Variants in RPF1 observed in about 807,000 individuals in gnomAD.
The protein encoded by RPF1 is ribosome production factor 1.
RPF1 carries 34 observed loss-of-function variants against 41.9 expected under a neutral mutation model. The ratio of observed to expected loss-of-function variants is 0.81; its 90% CI spans 0.62 to 1.08. The LOEUF (loss-of-function observed/expected upper bound fraction) is 1.08, where lower values mean the gene tolerates loss of function less well. Among genes scored for constraint, RPF1 ranks in the 50% least tolerant of loss-of-function variants. RPF1 has a pLI of 0.00. For missense variants in RPF1, 425 were observed against 435.2 expected, an observed-to-expected ratio of 0.98 and a Z score of 0.21; for synonymous variants, 140 against 148.9, an observed-to-expected ratio of 0.94 and a Z score of 0.43.
Position 84,487,858 on chromosome 1 carries a change from T to C in RPF1, c.367-1775T>C, listed in dbSNP as rs145842955. 9.9e-4 allele frequency among the ~76,000 whole-genome samples: 151 copies of C among 152,238 alleles called. No individual in the cohort carries two copies. The Middle Eastern group carries it at 0.01, about 10-fold the overall frequency. On this transcript the variant is annotated intron_variant, in intron 3 of 8. Transcript: ENST00000370654. Reference sequence around the variant, plus strand: ...GTTTTAATGTACTCTTACAATTCTGTGTTCTACTTCTTAACAGTTCATTTA... The same window carrying C: ...GTTTTAATGTACTCTTACAATTCTGCGTTCTACTTCTTAACAGTTCATTTA...
In RPF1 at chr1:84,490,478, CT is replaced by C. The variant is rs11440073; in HGVS notation, c.616+17del. On this transcript the variant is annotated splice_region_variant and intron_variant, in intron 5 of 8. Coordinates refer to ENST00000370654, the MANE Select transcript of RPF1 (RefSeq NM_025065.7). ...TGAAGATCGTAAAACCCCAAGTATC[CT>C]TTTTTTTTTTAAGGAGGTTTTCCTG... 24,543 of 1,199,182 alleles carry C rather than the reference CT, an allele frequency of 0.02. 1 individual carries two copies. Among genetic ancestry groups the C allele is most frequent in the South Asian group, 0.031 (1,987 of 63,980 alleles). The allele number at this position is 1,199,182 out of a possible 1,614,324, so 74.3% of individuals were successfully genotyped here.
chr1:84,483,830 C>T (rs1356113051), intron 3 of RPF1, among the ~76,000 whole-genome samples: 2 of 152,158 alleles, frequency 1.3e-5, no homozygotes, highest in South Asian at 2.1e-4. Context: ...CTGCTATCAA[C>T]ATTCTTTCTC....
intron 2 of RPF1, among the ~76,000 whole-genome samples, chr1:84,481,973 T>C (rs1339015673): frequency 6.6e-6 from 1 of 152,224 alleles, no homozygotes; most frequent in African/African-American, 2.4e-5. Context: ...TGCAGTATCC[T>C]AGTATGTCAA....
At chr1:84,486,764 C>G (rs1681746896) in intron 3 of RPF1, among the ~76,000 whole-genome samples, 1 of 151,940 alleles carries the variant, frequency 6.6e-6, no homozygotes, top group Non-Finnish European at 1.5e-5. Flanking sequence ...AGGGTAGTTA[C>G]AATGAAAGTG....
At chr1:84,490,510 TC>T in intron 5 of RPF1, 38 bp downstream of exon 5, 1 of 1,373,066 alleles carries the variant, frequency 7.3e-7, no homozygotes, top group Non-Finnish European at 9.9e-7. Context: ...TCCTGTCCTC[TC>T]CCTCACCCCC....
At chr1:84,486,359 G>A (rs553745689) in intron 3 of RPF1, among the ~76,000 whole-genome samples, 27 of 152,070 alleles carry the variant, frequency 1.8e-4, no homozygotes, top group Middle Eastern at 3.4e-3. Context: ...AGGCCGAGAC[G>A]GGTGGATCAC....
At chr1:84,495,559 T>G (rs1558546622) in intron 6 of RPF1, 104 bp downstream of exon 6, 1 of 629,696 alleles carries the variant, frequency 1.6e-6, no homozygotes. Context: ...ATAATGGCAT[T>G]TGTTCTCCTG....
intron 5 of RPF1, 139 bp downstream of exon 5, chr1:84,490,611 A>G (rs1398581436): frequency 1.5e-5 from 9 of 616,618 alleles, no homozygotes; most frequent in Non-Finnish European, 2.4e-5. Flanking sequence ...TCTTTCCAAG[A>G]GTCTATAAAC....
intron 8 of RPF1, 134 bp from the exon 9 acceptor site, chr1:84,497,295 C>T (rs572081054): frequency 1.2e-4 from 75 of 644,470 alleles, no homozygotes; most frequent in African/African-American, 9.4e-4. Context: ...TTCGGGGTCT[C>T]GCACAAACCC....
At position 84,495,357 on chromosome 1, in the gene RPF1, T is replaced by G. The variant is rs1416356728; in HGVS notation, c.617-16T>G. 1 of 1,245,192 alleles carries G rather than the reference T, an allele frequency of 8.0e-7. No homozygotes were observed. The highest frequency in any genetic ancestry group is 1.2e-6 in the Non-Finnish European group (1 of 862,882). 77.1% of individuals were successfully genotyped at this position (1,245,192 alleles called of 1,614,324 possible). A position where few individuals can be genotyped will look rare whatever the true frequency, so the allele number is the denominator to read the frequency against. ...ATTACAGAGTTCAATGTGTTTTTCTTAACTTTTATGAACAGATGGACTTAT... is the reference window on the plus strand; with the variant it reads ...ATTACAGAGTTCAATGTGTTTTTCTGAACTTTTATGAACAGATGGACTTAT... On this transcript the variant is annotated splice_polypyrimidine_tract_variant and intron_variant, in intron 5 of 8. Coordinates refer to ENST00000370654, the MANE Select transcript of RPF1 (RefSeq NM_025065.7).
At chr1:84,484,554 C>T (rs968750679) in intron 3 of RPF1, among the ~76,000 whole-genome samples, 3 of 152,080 alleles carry the variant, frequency 2.0e-5, no homozygotes, top group African/African-American at 7.2e-5. Flanking sequence ...ATAGTATAGA[C>T]CAGATATTCT....
In RPF1 at chr1:84,479,414, G is replaced by C. The variant is rs142693510; in HGVS notation, c.133G>C (p.Ala45Pro). 1,234 of 1,614,244 alleles carry C rather than the reference G, an allele frequency of 7.6e-4. 9 individuals carry two copies. In the African/African-American group the frequency reaches 0.015, roughly 19 times the overall value. ...GGAAAACGGGGTCCAACCCCCGAAA[G>C]CGGCTGCCTTTCCGCCAGGCTTTAG... ...ATENGVQPPKAAAFPPGFSIS... is the reference protein window; with the variant it reads ...ATENGVQPPKPAAFPPGFSIS... The change falls in exon 1 of 9, where the codon GCG becomes CCG. Residue 45 changes from alanine (A) to proline (P), a missense_variant. Transcript: ENST00000370654.
At chr1:84,487,598 G>A (rs754341653) in intron 3 of RPF1, among the ~76,000 whole-genome samples, 2 of 152,068 alleles carry the variant, frequency 1.3e-5, no homozygotes, top group African/African-American at 4.8e-5. Context: ...AGTTCTTGAT[G>A]TAGTTGAGTT....
rs1018212596 is a variant in RPF1, at chr1:84,489,689, T to C, written c.423T>C (p.Ser141=). 3.7e-6 allele frequency: 6 copies of C among 1,608,978 alleles called. No homozygotes were observed. The highest frequency in any genetic ancestry group is 5.1e-6 in the Non-Finnish European group (6 of 1,175,422). The part of the protein sequence containing the change: ...EFASYFNKQT[S]PKILITTSDR... ...CTTCTTACTTCAACAAACAGACTTCTCCCAAGATTCTCATCACAACATCAG... is the reference window on the plus strand; with the variant it reads ...CTTCTTACTTCAACAAACAGACTTCCCCCAAGATTCTCATCACAACATCAG... The change falls in exon 4 of 9, where the codon TCT becomes TCC. Residue 141 remains serine, a synonymous_variant. Transcript: ENST00000370654.
At chr1:84,491,740 A>G (rs183905571) in intron 5 of RPF1, among the ~76,000 whole-genome samples, 3 of 152,322 alleles carry the variant, frequency 2.0e-5, no homozygotes, top group African/African-American at 7.2e-5. Flanking sequence ...CATCACTTTG[A>G]GGCCACTAGT....
At chr1:84,486,587 CAAAAAAAAAAA>C (rs896267195) in intron 3 of RPF1, among the ~76,000 whole-genome samples, 14 of 64,534 alleles carry the variant, frequency 2.2e-4, no homozygotes, top group Non-Finnish European at 2.2e-4. Flanking sequence ...GACTCCGTCT[CAAAAAAAAAAA>C]AAAAAAAAAA....
At chr1:84,485,589 C>T (rs1681722605) in intron 3 of RPF1, among the ~76,000 whole-genome samples, 1 of 152,104 alleles carries the variant, frequency 6.6e-6, no homozygotes, top group African/African-American at 2.4e-5. Context: ...CTAACCTGTG[C>T]CATGAATATT....
At chr1:84,480,230 C>T (rs1283678084) in intron 1 of RPF1, among the ~76,000 whole-genome samples, 3 of 152,160 alleles carry the variant, frequency 2.0e-5, no homozygotes, top group Non-Finnish European at 2.9e-5. Flanking sequence ...TGTTTCAATA[C>T]ATACAAGGGG....
chr1:84,491,609 T>G (rs1681836580), intron 5 of RPF1, among the ~76,000 whole-genome samples: 1 of 152,226 alleles, frequency 6.6e-6, no homozygotes, highest in Non-Finnish European at 1.5e-5. Flanking sequence ...AATACTTAAC[T>G]ACTCCAGAAA....
Sources: allele counts gnomAD v4.1 joint callset (sites outside exome capture counted in the v4.1 genomes callset), GRCh38; gene constraint gnomAD v4.1.1; transcripts MANE v1.5; gene names NCBI Gene and HGNC (gene_info 2026-07-23, HGNC 2026-07-21).